NFATC1: variants seen among roughly 807,000 people sequenced by gnomAD.
NFATC1 encodes the protein nuclear factor of activated T cells 1.
In NFATC1, 22 loss-of-function variants were observed where a neutral mutation model predicts 76.0. The ratio of observed to expected loss-of-function variants is 0.29; its 90% CI spans 0.21 to 0.41. The LOEUF (loss-of-function observed/expected upper bound fraction) is 0.41. Ranked by LOEUF, NFATC1 falls within the 10% of genes least tolerant of loss-of-function variation. The probability of loss-of-function intolerance (pLI) is 1.00; values close to 1 mark genes in which losing one functional copy is unlikely to be tolerated. For synonymous variants in NFATC1, 704 were observed against 613.1 expected (o/e 1.15, Z -2.19); for missense variants, 1,357 against 1,337.7 (o/e 1.01, Z -0.23).
intron 2 of NFATC1, among the ~76,000 whole-genome samples, chr18:79,417,206 T>C (rs1600644041): frequency 1.1e-5 from 1 of 90,440 alleles, no homozygotes; most frequent in South Asian, 3.8e-4. Context: ...GGAGATGGGC[T>C]GTGGTGGGAG....
intron 7 of NFATC1, 118 bp from the exon 8 acceptor site, chr18:79,467,332 A>AAC (rs2088556297): frequency 1.0e-6 from 1 of 997,326 alleles, no homozygotes; most frequent in African/African-American, 1.8e-5. Flanking sequence ...CCGCCGTGGA[A>AAC]ACGCGGGGTT....
intron 1 of NFATC1, among the ~76,000 whole-genome samples, chr18:79,401,810 T>A (rs2085268763): frequency 6.6e-6 from 1 of 152,096 alleles, no homozygotes; most frequent in Admixed American, 6.5e-5. Flanking sequence ...ACACCCCCGG[T>A]CGTTCACAGC....
chr18:79,506,081 A>G (rs2090115304), intron 9 of NFATC1, among the ~76,000 whole-genome samples: 1 of 152,112 alleles, frequency 6.6e-6, no homozygotes, highest in Non-Finnish European at 1.5e-5. Context: ...GTGTTTAGGG[A>G]GGGGCTGGGA....
chr18:79,406,589 C>T (rs1217225283), intron 1 of NFATC1, among the ~76,000 whole-genome samples: 5 of 152,218 alleles, frequency 3.3e-5, no homozygotes, highest in Admixed American at 2.6e-4. Flanking sequence ...ATAAGCGGGC[C>T]CAGCAGTAAG....
chr18:79,447,287 C>T (rs1600737615), intron 3 of NFATC1, among the ~76,000 whole-genome samples: 1 of 152,354 alleles, frequency 6.6e-6, no homozygotes, highest in East Asian at 1.9e-4. Context: ...GGCCCGGGCT[C>T]CCCCGCCTTC....
At chr18:79,463,893 G>C (rs561227322) in intron 7 of NFATC1, among the ~76,000 whole-genome samples, 204 of 152,338 alleles carry the variant, frequency 1.3e-3, no homozygotes, top group Non-Finnish European at 2.3e-3. Context: ...CCTAGGCAGG[G>C]AGAGCAGCCA....
intron 4 of NFATC1, among the ~76,000 whole-genome samples, chr18:79,450,232 CTT>C (rs2087404967): frequency 6.6e-6 from 1 of 152,094 alleles, no homozygotes; most frequent in Non-Finnish European, 1.5e-5. Context: ...AAAAATACTG[CTT>C]TTTAGTGCAT....
At chr18:79,518,512 G>A (rs766068051) in intron 9 of NFATC1, among the ~76,000 whole-genome samples, 4 of 152,152 alleles carry the variant, frequency 2.6e-5, no homozygotes, top group Admixed American at 2.6e-4. Flanking sequence ...CCTCTCGCTC[G>A]TGAAAGATGC....
chr18:79,413,764 G>A lies in NFATC1; in HGVS notation c.1226+2263G>A, dbSNP rs578142541. ...GCGGCAAGGTGTCCGCAGGGATGTC[G>A]TGTTCTGGCAGGCACAGCCCCTCCT... On this transcript the variant is annotated intron_variant, in intron 2 of 9. Coordinates refer to ENST00000427363, the MANE Select transcript of NFATC1 (RefSeq NM_001278669.2). Among the ~76,000 whole-genome samples, 35 of 152,324 alleles carry A rather than the reference G, an allele frequency of 2.3e-4. No homozygotes were observed. In the East Asian group the frequency reaches 4.2e-3, roughly 18 times the overall value.
At chr18:79,469,839 G>A (rs899771504) in intron 8 of NFATC1, 10 of 985,230 alleles carry the variant, frequency 1.0e-5, no homozygotes, top group Admixed American at 6.2e-5. Flanking sequence ...GGGGCTCCCC[G>A]GCTCCCTGTC....
intron 1 of NFATC1, chr18:79,400,496 G>A: frequency 7.1e-7 from 1 of 1,405,392 alleles, no homozygotes; most frequent in South Asian, 1.5e-5. Context: ...CAGTCCCGGA[G>A]GGCGCGGGGG....
intron 2 of NFATC1, among the ~76,000 whole-genome samples, chr18:79,430,100 G>C (rs1200500806): frequency 6.6e-6 from 1 of 152,226 alleles, no homozygotes; most frequent in African/African-American, 2.4e-5. Flanking sequence ...GAGTTCCCAC[G>C]ACGACAAAAT....
At chr18:79,454,229 G>A (rs977003971) in intron 6 of NFATC1, among the ~76,000 whole-genome samples, 1 of 152,218 alleles carries the variant, frequency 6.6e-6, no homozygotes, top group East Asian at 1.9e-4. Context: ...GCAGATGGTT[G>A]TAGCTGTTGG....
chr18:79,458,871 G>C (rs2087895221), intron 6 of NFATC1, among the ~76,000 whole-genome samples: 1 of 152,276 alleles, frequency 6.6e-6, no homozygotes. Flanking sequence ...TCGGCGCTTT[G>C]TCTTGTTCTG....
chr18:79,464,277 T>G (rs1254855835), intron 7 of NFATC1, among the ~76,000 whole-genome samples: 1 of 152,052 alleles, frequency 6.6e-6, no homozygotes, highest in Non-Finnish European at 1.5e-5. Flanking sequence ...TTTTTTTTAG[T>G]AGAGACGGGA....
At chr18:79,421,415 C>T (rs1600658970) in intron 2 of NFATC1, 1 of 152,398 alleles carries the variant, frequency 6.6e-6, no homozygotes, top group East Asian at 1.9e-4. Flanking sequence ...GCAGTAGCGC[C>T]TGGATGACGT....
chr18:79,473,459 T>C (rs529173943), intron 8 of NFATC1, among the ~76,000 whole-genome samples: 119 of 147,894 alleles, frequency 8.0e-4, no homozygotes, highest in African/African-American at 2.6e-3. Flanking sequence ...CTCAGCTCAT[T>C]GTCGACGTAA....
chr18:79,492,015 G>A (rs987301643), intron 9 of NFATC1, among the ~76,000 whole-genome samples: 1 of 152,230 alleles, frequency 6.6e-6, no homozygotes, highest in Non-Finnish European at 1.5e-5. Flanking sequence ...CGGCCTGCCC[G>A]TGAGGACATA....
At chr18:79,483,855 TG>T (rs2089411980) in intron 8 of NFATC1, among the ~76,000 whole-genome samples, 1 of 140,464 alleles carries the variant, frequency 7.1e-6, no homozygotes, top group African/African-American at 2.7e-5. Flanking sequence ...ACGTGGTTCC[TG>T]GGGTGTCACT....
Sources: gnomAD v4.1 joint callset for allele counts (sites outside exome capture counted in the v4.1 genomes callset) on GRCh38, gnomAD v4.1.1 for gene constraint, MANE v1.5 for transcripts, NCBI Gene and HGNC (gene_info 2026-07-23, HGNC 2026-07-21) for gene names.